The following METTL13 variants were observed in gnomAD, a reference collection of about 807,000 sequenced individuals.
The protein encoded by METTL13 is methyltransferase 13, eEF1A N-terminus and K55.
In METTL13, 52 loss-of-function variants were observed where a neutral mutation model predicts 67.4. That is an observed-to-expected ratio of 0.77 (90% confidence interval 0.62 to 0.97). The LOEUF (loss-of-function observed/expected upper bound fraction) is 0.97, where lower values mean the gene tolerates loss of function less well. METTL13 is among the 50% of genes least tolerant of loss of function. The probability of loss-of-function intolerance (pLI) is 0.00; values close to 1 mark genes in which losing one functional copy is unlikely to be tolerated. For missense variants in METTL13, 825 were observed against 889.6 expected (o/e 0.93, Z 0.92); for synonymous variants, 354 against 353.6 (o/e 1.00, Z -0.01).
Position 171,784,415 on chromosome 1 carries a change from A to G in METTL13, c.829A>G (p.Thr277Ala). ...GTCTCTGGACTTGTGCGATGGGGACACGGGGGAGCCACGCTACACCCTCCA... is the reference window on the plus strand; with the variant it reads ...GTCTCTGGACTTGTGCGATGGGGACGCGGGGGAGCCACGCTACACCCTCCA... ...SVSLDLCDGD[T>A]GEPRYTLHVV... is the part of the protein sequence containing the mutation. The change falls in exon 2 of 8, where the codon ACG (threonine) becomes GCG (alanine). Residue 277 changes from threonine to alanine, a missense_variant. By Grantham distance (58) the Thr-to-Ala change is moderately conservative. Coordinates refer to ENST00000361735, the MANE Select transcript of METTL13 (RefSeq NM_015935.5). 6.5e-7 allele frequency: 1 copy of G among 1,542,570 alleles called. No individual in the cohort carries two copies. Among genetic ancestry groups the G allele is most frequent in the Non-Finnish European group, 8.7e-7 (1 of 1,146,312 alleles).
chr1:171,784,569 T>G, intron 2 of METTL13, 70 bp downstream of exon 2: 8 of 1,390,672 alleles, frequency 5.8e-6, no homozygotes, highest in African/African-American at 2.9e-5. Flanking sequence ...GGGCTGGGGC[T>G]GGGGCTGAGG....
chr1:171,794,706 C>G (rs2124907143), intron 7 of METTL13, among the ~76,000 whole-genome samples, 179 bp downstream of exon 7: 1 of 152,358 alleles, frequency 6.6e-6, no homozygotes, highest in East Asian at 1.9e-4. Flanking sequence ...TCTCTTATCC[C>G]CTTTCAGTAA....
rs149204281 is a variant in METTL13, at chr1:171,788,531, A to G, written c.1309+601A>G. ...TATATTTCAACAGCCATAGGGGGCT[A>G]GTGGCTAGTATTGGACAGTGTAGAT... On this transcript the variant is annotated intron_variant, in intron 4 of 7. Coordinates refer to ENST00000361735, the MANE Select transcript of METTL13 (RefSeq NM_015935.5). Among the ~76,000 whole-genome samples, 415 of 152,286 alleles carry G rather than the reference A, an allele frequency of 2.7e-3. 2 individuals carry two copies. Among genetic ancestry groups the G allele is most frequent in the African/African-American group, 9.6e-3 (398 of 41,554 alleles).
chr1:171,784,638 TC>T (rs1656950094), intron 2 of METTL13, 139 bp downstream of exon 2: 6 of 1,140,886 alleles, frequency 5.3e-6, no homozygotes, highest in Non-Finnish European at 6.9e-6. Flanking sequence ...GGTTTGTACT[TC>T]CAGAGGATTA....
chr1:171,783,421 C>T (rs950351268), intron 1 of METTL13, among the ~76,000 whole-genome samples: 2 of 152,180 alleles, frequency 1.3e-5, no homozygotes, highest in African/African-American at 4.8e-5. Context: ...TATTTGGATT[C>T]TCTGACTTCC....
At chr1:171,783,618 C>A in intron 1 of METTL13, 122 bp from the exon 2 acceptor site, 2 of 1,126,818 alleles carry the variant, frequency 1.8e-6, no homozygotes, top group Non-Finnish European at 2.5e-6. Flanking sequence ...CTTTCTCTGG[C>A]AGTAGCGTCT....
chr1:171,790,560 A>G lies in METTL13; in HGVS notation c.1418A>G (p.His473Arg), dbSNP rs1657171429. The G allele has an allele frequency of 1.2e-6, 2 of 1,610,136 alleles. No homozygotes were observed. The highest frequency in any genetic ancestry group is 1.3e-5 in the African/African-American group (1 of 74,694). The change falls in exon 5 of 8, where the codon CAC becomes CGC. Residue 473 changes from histidine (H) to arginine (R), a missense_variant. Coordinates refer to ENST00000361735, the MANE Select transcript of METTL13 (RefSeq NM_015935.5). Reference sequence around the variant, plus strand: ...GATAAGAGTTACCTGTGTTGTGAACACCACAAAGCCATGATCGCTGGCCTT... The same window carrying G: ...GATAAGAGTTACCTGTGTTGTGAACGCCACAAAGCCATGATCGCTGGCCTT... ...SIDKSYLCCE[H>R]HKAMIAGLAL... is the part of the protein sequence containing the mutation.
In METTL13 at chr1:171,781,976, C is replaced by T; in HGVS notation, c.9C>T (p.Leu3=). The T allele has an allele frequency of 1.9e-6, 3 of 1,614,152 alleles. No individual in the cohort carries two copies. The South Asian group carries it at 3.3e-5, about 18-fold the overall frequency. ...GCTTCGGCAGTAGGAACATGAACCT[C>T]TTACCTAAAAGTTCCAGGGAGTTTG... MN[L]LPKSSREFGS... is the part of the protein sequence containing the mutation. Residue 3 remains leucine (L), a synonymous_variant, in exon 1 of 8, where the codon CTC becomes CTT. Transcript: ENST00000361735.
chr1:171,791,897 TA>T, intron 5 of METTL13, 119 bp from the exon 6 acceptor site: 1 of 973,216 alleles, frequency 1.0e-6, no homozygotes. Flanking sequence ...GGGAGACCTC[TA>T]AATCTTGTAT....
rs61733148 is a variant in METTL13, at chr1:171,784,101, G to A, written c.515G>A (p.Gly172Asp). ...GCTCACATCCTGAAGAAAGCAGTGG[G>A]CCACTTCTCCCGGGAGGGGTGGATG... ...AQAHILKKAV[G>D]HFSREGWMVR... The change falls in exon 2 of 8, where the codon GGC becomes GAC. Residue 172 changes from glycine to aspartate, a missense_variant. Physicochemically the swap from Gly to Asp is moderately conservative, Grantham distance 94 (BLOSUM62 -1). Transcript: ENST00000361735. 2,545 of 1,614,212 alleles carry A rather than the reference G, an allele frequency of 1.6e-3. 30 individuals carry two copies. In the African/African-American group the frequency reaches 0.027, roughly 17 times the overall value.
At position 171,796,615 on chromosome 1, in the gene METTL13, G is replaced by T; in HGVS notation, c.1959G>T (p.Gln653His). The change falls in exon 8 of 8, where the codon CAG (glutamine) becomes CAT (histidine). Residue 653 changes from glutamine to histidine, a missense_variant. Transcript: ENST00000361735. ...AAGTGAATGAGATCCTGTTCTGTCAGCTGCACCCTGAGCAAAAACTTGCCA... is the reference window on the plus strand; with the variant it reads ...AAGTGAATGAGATCCTGTTCTGTCATCTGCACCCTGAGCAAAAACTTGCCA... ...EGEVNEILFC[Q>H]LHPEQKLATP... 1 of 1,614,182 alleles carries T rather than the reference G, an allele frequency of 6.2e-7. No homozygotes were observed.
rs138183245 is a variant in METTL13 at position 171,789,583 on chromosome 1, G to T, written c.1310-869G>T. Reference sequence around the variant, plus strand: ...ATGTGCCAAGAATTGGAATGATAAGGTTGTTAGAAGAGCTAAAAAAATAAA... The same window carrying T: ...ATGTGCCAAGAATTGGAATGATAAGTTTGTTAGAAGAGCTAAAAAAATAAA... On this transcript the variant is annotated intron_variant, in intron 4 of 7. Coordinates refer to ENST00000361735, the MANE Select transcript of METTL13 (RefSeq NM_015935.5). Among the ~76,000 whole-genome samples, 361 of 152,238 alleles carry T rather than the reference G, an allele frequency of 2.4e-3. 5 individuals are homozygous for T. The highest frequency in any genetic ancestry group is 1.2e-3 in the Non-Finnish European group (82 of 68,020).
chr1:171,786,465 C>G (rs1467074789), intron 3 of METTL13, among the ~76,000 whole-genome samples: 1 of 152,100 alleles, frequency 6.6e-6, no homozygotes, highest in East Asian at 1.9e-4. Flanking sequence ...GGAAGAGGGC[C>G]AAAACAGCTC....
chr1:171,793,598 T>A (rs1430119072), intron 6 of METTL13, among the ~76,000 whole-genome samples: 1 of 152,248 alleles, frequency 6.6e-6, no homozygotes, highest in Non-Finnish European at 1.5e-5. Context: ...AATTATTGAA[T>A]AATTATGACC....
intron 5 of METTL13, among the ~76,000 whole-genome samples, chr1:171,791,102 C>A (rs1657191372): frequency 1.3e-5 from 2 of 152,198 alleles, no homozygotes; most frequent in South Asian, 4.1e-4. Flanking sequence ...CCGTTTTCAC[C>A]TGAAGTCCCT....
chr1:171,785,892 G>A lies in METTL13; in HGVS notation c.927G>A (p.Arg309=). 6.2e-7 allele frequency: 1 copy of A among 1,612,974 alleles called. No individual in the cohort carries two copies. The highest frequency in any genetic ancestry group is 8.5e-7 in the Non-Finnish European group (1 of 1,179,960). Residue 309 remains arginine, a synonymous_variant, in exon 3 of 8, where the codon CGG becomes CGA. Transcript: ENST00000361735. ...HFAIFIIPQG[R]ETEWLFGMDE... ...TCTTTTTTCTAGTCCCTCAGGGCCG[G>A]GAGACCGAGTGGCTCTTTGGCATGG...
chr1:171,786,953 G>GA (rs34671476), intron 3 of METTL13, among the ~76,000 whole-genome samples: 5,239 of 151,552 alleles, frequency 0.035, 134 homozygotes, highest in Non-Finnish European at 0.057. Context: ...TAACAGATCT[G>GA]AAAAAAAAGA....
chr1:171,786,304 G>A (rs1442461274), intron 3 of METTL13, among the ~76,000 whole-genome samples: 1 of 152,220 alleles, frequency 6.6e-6, no homozygotes, highest in Non-Finnish European at 1.5e-5. Flanking sequence ...GCCTCTCAGA[G>A]TCCATAGACA....
At position 171,792,052 on chromosome 1, in the gene METTL13, GGGGGCA is replaced by G. The variant is rs1558132690; in HGVS notation, c.1512_1517del (p.Gly505_Ser506del). 1 of 1,612,936 alleles carries G rather than the reference GGGGGCA, an allele frequency of 6.2e-7. No homozygotes were observed. Among genetic ancestry groups the G allele is most frequent in the Admixed American group, 1.7e-5 (1 of 60,018 alleles). On this transcript the variant is annotated inframe_deletion, in exon 6 of 8. Transcript: ENST00000361735. ...GGCATTGTTGGTGGTAGGCCTGGGC[GGGGGCA>G]GCCTCCCCCTCTTTGTCCACGATCA...
Sources: allele counts gnomAD v4.1 joint callset (sites outside exome capture counted in the v4.1 genomes callset), GRCh38; gene constraint gnomAD v4.1.1; transcripts MANE v1.5; gene names NCBI Gene and HGNC (gene_info 2026-07-23, HGNC 2026-07-21).